WWOX: variants seen among roughly 807,000 people sequenced by gnomAD.
The protein encoded by WWOX is WW domain-containing oxidoreductase.
WWOX carries 69 observed loss-of-function variants against 46.2 expected under a neutral mutation model. The observed-to-expected ratio is 1.49, with a 90% CI of 1.23 to 1.82. The LOEUF is 1.82. Among genes scored for constraint, WWOX ranks in the 40% most tolerant of loss-of-function variants. The pLI is 0.00. For missense variants in WWOX, 919 were observed against 542.6 expected, an observed-to-expected ratio of 1.69 and a Z score of -6.89; for synonymous variants, 359 against 202.6, an observed-to-expected ratio of 1.77 and a Z score of -6.56.
At chr16:78,124,700 T>C (rs753328482) in intron 4 of WWOX, among the ~76,000 whole-genome samples, 1 of 152,178 alleles carries the variant, frequency 6.6e-6, no homozygotes, top group African/African-American at 2.4e-5. Flanking sequence ...AGGGTTGCAT[T>C]GTGTGACAAG....
intron 8 of WWOX, among the ~76,000 whole-genome samples, chr16:78,579,488 G>C (rs2044992989): frequency 6.6e-6 from 1 of 152,124 alleles, no homozygotes; most frequent in Non-Finnish European, 1.5e-5. Flanking sequence ...ATATAAACCA[G>C]GGGGTAGGAA....
chr16:78,556,575 C>A (rs372198233), intron 8 of WWOX, among the ~76,000 whole-genome samples: 9 of 152,078 alleles, frequency 5.9e-5, no homozygotes, highest in African/African-American at 2.2e-4. Flanking sequence ...GCAGCTGGAC[C>A]GGCGTGCGGT....
chr16:78,756,982 G>A (rs181718468), intron 8 of WWOX: 21 of 702,814 alleles, frequency 3.0e-5, no homozygotes, highest in Non-Finnish European at 4.7e-5. Context: ...AAGCATACCC[G>A]TGTAGAAGAA....
chr16:78,918,960 T>C (rs1409665471), intron 8 of WWOX, among the ~76,000 whole-genome samples: 1 of 152,124 alleles, frequency 6.6e-6, no homozygotes, highest in African/African-American at 2.4e-5. Context: ...ACCTTTCTGA[T>C]TGGACCCAGG....
In WWOX at chr16:78,884,317, G is replaced by C. The variant is rs984389642; in HGVS notation, c.1057-327291G>C. On this transcript the variant is annotated intron_variant, in intron 8 of 8. Transcript: ENST00000566780. ...AACAAAAGACCATTTTTAAGACTAT[G>C]ACTGGTCAAAATGTGCTCATACATT... Among the ~76,000 whole-genome samples the C allele has an allele frequency of 4.1e-5, 6 of 145,998 alleles. No homozygotes were observed. The Admixed American group carries it at 4.1e-4, about 10-fold the overall frequency.
chr16:78,812,347 C>T (rs1306895124), intron 8 of WWOX, among the ~76,000 whole-genome samples: 5 of 152,008 alleles, frequency 3.3e-5, no homozygotes, highest in Non-Finnish European at 5.9e-5. Context: ...AGGGTGACAC[C>T]GATTTAACAT....
At chr16:78,980,548 T>C (rs2046660497) in intron 8 of WWOX, among the ~76,000 whole-genome samples, 1 of 152,228 alleles carries the variant, frequency 6.6e-6, no homozygotes, top group Non-Finnish European at 1.5e-5. Flanking sequence ...TATTTATTTA[T>C]TTTGTCTTTT....
intron 8 of WWOX, among the ~76,000 whole-genome samples, chr16:78,930,771 C>G (rs76914854): frequency 6.6e-6 from 1 of 152,214 alleles, no homozygotes; most frequent in South Asian, 2.1e-4. Flanking sequence ...CAAGGTTCCA[C>G]GGCACCTGTG....
At chr16:78,174,453 T>A (rs914317417) in intron 5 of WWOX, among the ~76,000 whole-genome samples, 2 of 152,112 alleles carry the variant, frequency 1.3e-5, no homozygotes, top group African/African-American at 2.4e-5. Flanking sequence ...GAGATTTCGG[T>A]GGGGCGCAGC....
intron 8 of WWOX, among the ~76,000 whole-genome samples, chr16:79,071,553 T>G (rs2150566479): frequency 6.6e-6 from 1 of 152,342 alleles, no homozygotes. Flanking sequence ...GTTTCAGGTT[T>G]TTAGAGTCCT....
chr16:78,753,904 G>C (rs1280652470), intron 8 of WWOX, among the ~76,000 whole-genome samples: 1 of 136,570 alleles, frequency 7.3e-6, no homozygotes, highest in African/African-American at 2.7e-5. Context: ...AATTGAAGAG[G>C]CTATTCCAAG....
intron 8 of WWOX, among the ~76,000 whole-genome samples, chr16:78,984,998 T>A (rs771294320): frequency 1.2e-4 from 18 of 152,230 alleles, no homozygotes; most frequent in Non-Finnish European, 8.8e-5. Context: ...AAAAAAAATA[T>A]TGGATCCTTG....
intron 8 of WWOX, among the ~76,000 whole-genome samples, chr16:78,621,103 A>G (rs1269287817): frequency 6.6e-6 from 1 of 152,094 alleles, no homozygotes; most frequent in Non-Finnish European, 1.5e-5. Flanking sequence ...TCCACAGTTT[A>G]TCTTTGAAAA....
chr16:78,742,935 G>A (rs1264352933), intron 8 of WWOX, among the ~76,000 whole-genome samples: 2 of 152,106 alleles, frequency 1.3e-5, no homozygotes, highest in African/African-American at 2.4e-5. Context: ...GGAAGGAGAA[G>A]GCCCTGGCTT....
chr16:78,987,447 C>CT (rs1444666620), intron 8 of WWOX, among the ~76,000 whole-genome samples: 1 of 152,150 alleles, frequency 6.6e-6, no homozygotes, highest in Non-Finnish European at 1.5e-5. Flanking sequence ...GTCCTTTTTT[C>CT]TTTTTTCTAG....
At chr16:79,132,044 T>G (rs2049889070) in intron 8 of WWOX, among the ~76,000 whole-genome samples, 1 of 151,574 alleles carries the variant, frequency 6.6e-6, no homozygotes, top group African/African-American at 2.4e-5. Flanking sequence ...CCATAACACA[T>G]GGGAATTATG....
At chr16:78,452,987 T>A (rs970600088) in intron 8 of WWOX, among the ~76,000 whole-genome samples, 1 of 149,370 alleles carries the variant, frequency 6.7e-6, no homozygotes, top group Admixed American at 6.6e-5. Context: ...GCCTAAGTGA[T>A]CCTCCTCTCT....
intron 8 of WWOX, among the ~76,000 whole-genome samples, chr16:78,994,130 C>T (rs950345066): frequency 6.6e-6 from 1 of 152,180 alleles, no homozygotes; most frequent in African/African-American, 2.4e-5. Context: ...TTGGATAAAC[C>T]ATCCGAGGGA....
At chr16:78,688,382 A>G (rs914585614) in intron 8 of WWOX, among the ~76,000 whole-genome samples, 1 of 151,916 alleles carries the variant, frequency 6.6e-6, no homozygotes, top group African/African-American at 2.4e-5. Flanking sequence ...AAAAAAAAAA[A>G]AAGATCCTGA....
Sources: allele counts gnomAD v4.1 joint callset (sites outside exome capture counted in the v4.1 genomes callset), GRCh38; gene constraint gnomAD v4.1.1; transcripts MANE v1.5; gene names NCBI Gene and HGNC (gene_info 2026-07-23, HGNC 2026-07-21).